EIF1AY: variants seen among roughly 807,000 people sequenced by gnomAD.
EIF1AY encodes eukaryotic translation initiation factor 1A, Y-chromosomal.
For synonymous variants in EIF1AY, 16 were observed against 9.9 expected, an observed-to-expected ratio of 1.62 and a Z score of -1.16; for missense variants, 19 against 30.6, an observed-to-expected ratio of 0.62 and a Z score of 0.89.
At chrY:20,589,452 T>C in intron 5 of EIF1AY, 32 bp from the exon 6 acceptor site, 1 of 383,359 alleles carries the variant, frequency 2.6e-6, no homozygotes, top group Non-Finnish European at 3.7e-6. Context: ...CTACAGGTTA[T>C]ATAATCAGTA....
At chrY:20,587,653 G>A (rs2089355721) in intron 4 of EIF1AY, 1 of 37,302 alleles carries the variant, frequency 2.7e-5, no homozygotes, top group Non-Finnish European at 6.4e-5. Context: ...GAATTGCAGT[G>A]TTTGACCTTA....
At chrY:20,589,979 C>T (rs2089357796) in intron 6 of EIF1AY, among the ~76,000 whole-genome samples, 1 of 32,657 alleles carries the variant, frequency 3.1e-5, no homozygotes, top group Non-Finnish European at 7.5e-5. Context: ...CAAAGCAGCG[C>T]AGTTCACAAA....
At chrY:20,576,735 G>T (rs2089347054) in intron 1 of EIF1AY, among the ~76,000 whole-genome samples, 1 of 33,144 alleles carries the variant, frequency 3.0e-5, no homozygotes, top group Non-Finnish European at 7.4e-5. Context: ...TTCCTTCCTG[G>T]GACCCAGACC....
intron 3 of EIF1AY, among the ~76,000 whole-genome samples, chrY:20,583,235 C>T (rs9341319): frequency 9.3e-5 from 3 of 32,262 alleles, no homozygotes. Flanking sequence ...TTATTTTTGG[C>T]TGAGCTCTGT....
chrY:20,590,111 A>AGT (rs1401863145), intron 6 of EIF1AY, among the ~76,000 whole-genome samples: 126 of 26,839 alleles, frequency 4.7e-3, no homozygotes, highest in South Asian at 7.0e-3. Context: ...AGAGAGAGAG[A>AGT]GTGTGTGTGT....
chrY:20,581,581 C>T, intron 2 of EIF1AY, among the ~76,000 whole-genome samples: 1 of 32,979 alleles, frequency 3.0e-5, no homozygotes. Flanking sequence ...ATGCACCCGC[C>T]TCGGCCTCCC....
chrY:20,588,450 A>G, intron 5 of EIF1AY: 1 of 35,411 alleles, frequency 2.8e-5, no homozygotes, highest in Non-Finnish European at 6.9e-5. Context: ...GTGTTTTTCT[A>G]AACAGTTCTC....
At chrY:20,578,214 T>C (rs745329133) in intron 1 of EIF1AY, among the ~76,000 whole-genome samples, 1 of 33,195 alleles carries the variant, frequency 3.0e-5, no homozygotes, top group East Asian at 7.9e-4. Flanking sequence ...GCATGGGCCA[T>C]ATGTGGAATT....
At chrY:20,592,272 C>A (rs2089359572) in intron 6 of EIF1AY, 69 bp from the exon 7 acceptor site, 2 of 242,848 alleles carry the variant, frequency 8.2e-6, no homozygotes, top group Non-Finnish European at 1.3e-5. Context: ...CACTGGGAGT[C>A]TTTATATGCA....
chrY:20,585,891 T>C, intron 4 of EIF1AY, among the ~76,000 whole-genome samples: 1 of 30,198 alleles, frequency 3.3e-5, no homozygotes, highest in East Asian at 8.4e-4. Context: ...GAAATCAGAT[T>C]GCTGCCTCTC....
Position 20,589,519 on chromosome Y carries a change from G to A in EIF1AY, c.373G>A (p.Asp125Asn). The change falls in exon 6 of 7, where the codon GAT becomes AAT. Residue 125 changes from aspartate (D) to asparagine (N), a missense_variant. Transcript: ENST00000361365. ...TGAAACAGACACATTTGGTCCTGGA[G>A]ATGATGATGAAATCCAGTTTGACGA... ...INETDTFGPG[D>N]DDEIQFDDIG... 2.6e-6 allele frequency: 1 copy of A among 385,852 alleles called. No homozygotes were observed. The highest frequency in any genetic ancestry group is 3.0e-5 in the South Asian group (1 of 33,485).
intron 3 of EIF1AY, among the ~76,000 whole-genome samples, chrY:20,584,263 G>C: frequency 3.6e-4 from 11 of 30,244 alleles, no homozygotes; most frequent in African/African-American, 1.3e-3. Context: ...CGTTGCCTAG[G>C]ATGGTCTCAA....
At chrY:20,587,530 C>T (rs2089355558) in intron 4 of EIF1AY, 3 of 33,716 alleles carry the variant, frequency 8.9e-5, no homozygotes, top group African/African-American at 2.4e-4. Context: ...CCTCATGATC[C>T]GCCCGCCTTG....
chrY:20,586,658 GTTAA>G (rs2089354651), intron 4 of EIF1AY: 1 of 33,435 alleles, frequency 3.0e-5, no homozygotes, highest in African/African-American at 1.2e-4. Context: ...CATTCATTTG[GTTAA>G]TTTTCAGATT....
chrY:20,580,467 AACAT>A (rs2124356787), intron 2 of EIF1AY, among the ~76,000 whole-genome samples: 1 of 32,872 alleles, frequency 3.0e-5, no homozygotes, highest in African/African-American at 1.2e-4. Flanking sequence ...TGTACAGACT[AACAT>A]ACAAAAAAAA....
chrY:20,579,444 A>G, intron 1 of EIF1AY, among the ~76,000 whole-genome samples, 164 bp from the exon 2 acceptor site: 1 of 33,307 alleles, frequency 3.0e-5, no homozygotes, highest in Non-Finnish European at 7.4e-5. Context: ...TAATGTAAAT[A>G]AATTTAAACA....
chrY:20,579,069 TAATAA>T (rs2089348710), intron 1 of EIF1AY, among the ~76,000 whole-genome samples: 1 of 34,017 alleles, frequency 2.9e-5, no homozygotes, highest in South Asian at 6.3e-4. Context: ...CAGCATTATA[TAATAA>T]AATTAAAACA....
At chrY:20,592,190 G>A in intron 6 of EIF1AY, 151 bp from the exon 7 acceptor site, 1 of 104,317 alleles carries the variant, frequency 9.6e-6, no homozygotes, top group Non-Finnish European at 1.8e-5. Flanking sequence ...AAGATTTACT[G>A]ATAACAAAAA....
intron 2 of EIF1AY, among the ~76,000 whole-genome samples, chrY:20,582,033 G>A: frequency 3.0e-5 from 1 of 33,709 alleles, no homozygotes; most frequent in Non-Finnish European, 7.3e-5. Flanking sequence ...GAAGTTGACA[G>A]ATAAAGAATT....
Sources: gnomAD v4.1 joint callset for allele counts (sites outside exome capture counted in the v4.1 genomes callset) on GRCh38, gnomAD v4.1.1 for gene constraint, MANE v1.5 for transcripts, NCBI Gene and HGNC (gene_info 2026-07-23, HGNC 2026-07-21) for gene names.